The following KCNIP4 variants were observed in gnomAD, a reference collection of about 807,000 sequenced individuals.
KCNIP4 encodes potassium voltage-gated channel interacting protein 4.
KCNIP4 carries 12 observed loss-of-function variants against 34.0 expected under a neutral mutation model. The ratio of observed to expected loss-of-function variants is 0.35; its 90% CI spans 0.23 to 0.57. KCNIP4 has a LOEUF of 0.57. Ranked by LOEUF, KCNIP4 falls within the 20% of genes least tolerant of loss-of-function variation. The probability of loss-of-function intolerance (pLI) is 0.83; values close to 1 mark genes in which losing one functional copy is unlikely to be tolerated. For missense variants in KCNIP4, 238 were observed against 311.7 expected (o/e 0.76, Z 1.78); for synonymous variants, 124 against 102.2 (o/e 1.21, Z -1.29).
In KCNIP4 at chr4:21,756,531, C is replaced by T. The variant is rs541616964; in HGVS notation, c.61+192040G>A. ...ATTGCACCACTGCACTCCAGCCTGGCGACAGAGCAAGACTCTGTCTCAAAA... is the reference window on the plus strand; with the variant it reads ...ATTGCACCACTGCACTCCAGCCTGGTGACAGAGCAAGACTCTGTCTCAAAA... On this transcript the variant is annotated intron_variant, in intron 1 of 8. Transcript: ENST00000382152. Among the ~76,000 whole-genome samples the T allele has an allele frequency of 2.0e-4, 27 of 137,940 alleles. No individual in the cohort carries two copies. The South Asian group carries it at 2.2e-3, about 11-fold the overall frequency. The allele number at this position is 137,940 out of a possible 152,430, so 90.5% of individuals were successfully genotyped here.
At chr4:21,015,354 A>C (rs113510471) in intron 1 of KCNIP4, among the ~76,000 whole-genome samples, 1 of 138,952 alleles carries the variant, frequency 7.2e-6, no homozygotes, top group Non-Finnish European at 1.5e-5. Flanking sequence ...AAACAATGAT[A>C]CTCTATTTTT....
At chr4:21,385,223 G>T (rs189376273) in intron 1 of KCNIP4, among the ~76,000 whole-genome samples, 6 of 152,224 alleles carry the variant, frequency 3.9e-5, no homozygotes, top group African/African-American at 7.2e-5. Context: ...ATATTGTTCT[G>T]GTTAAAGGGT....
intron 1 of KCNIP4, among the ~76,000 whole-genome samples, chr4:21,946,798 A>G (rs912337364): frequency 6.6e-6 from 1 of 152,212 alleles, no homozygotes; most frequent in Non-Finnish European, 1.5e-5. Context: ...ATAAAACAAC[A>G]TATTTCTGTT....
chr4:20,833,288 C>A (rs1446247665), intron 3 of KCNIP4, among the ~76,000 whole-genome samples: 2 of 152,118 alleles, frequency 1.3e-5, no homozygotes, highest in Admixed American at 1.3e-4. Flanking sequence ...TTATTAAAAT[C>A]TTTGTCATCA....
intron 1 of KCNIP4, among the ~76,000 whole-genome samples, chr4:21,264,883 A>T (rs141206593): frequency 0.018 from 2,681 of 152,156 alleles, 67 homozygotes; most frequent in African/African-American, 0.061. Flanking sequence ...AGATCACTTT[A>T]GGTCAGGTGT....
chr4:20,961,954 CAA>C (rs1733891654), intron 1 of KCNIP4, among the ~76,000 whole-genome samples: 1 of 152,122 alleles, frequency 6.6e-6, no homozygotes, highest in Non-Finnish European at 1.5e-5. Flanking sequence ...CAGTGATAGC[CAA>C]AGACACCTTT....
chr4:21,216,482 T>A (rs1757585454), intron 1 of KCNIP4, among the ~76,000 whole-genome samples: 1 of 152,238 alleles, frequency 6.6e-6, no homozygotes, highest in Admixed American at 6.5e-5. Context: ...GTCTACATAA[T>A]AGGTACTATA....
At chr4:21,130,430 C>T (rs942908203) in intron 1 of KCNIP4, among the ~76,000 whole-genome samples, 2 of 152,268 alleles carry the variant, frequency 1.3e-5, no homozygotes, top group Middle Eastern at 3.4e-3. Flanking sequence ...ATTCAGAAGG[C>T]ACTAGTTCCA....
intron 1 of KCNIP4, among the ~76,000 whole-genome samples, chr4:21,311,842 A>G (rs890404235): frequency 2.0e-5 from 3 of 152,120 alleles, no homozygotes; most frequent in African/African-American, 7.2e-5. Context: ...TTCTACTCAA[A>G]TTCAAGTGGG....
chr4:21,501,885 TTCTCTCTC>T (rs144701777), intron 1 of KCNIP4, among the ~76,000 whole-genome samples: 1 of 151,134 alleles, frequency 6.6e-6, no homozygotes, highest in African/African-American at 2.4e-5. Flanking sequence ...TTAAAAATAA[TTCTCTCTC>T]TCTCTATCTC....
At chr4:21,868,965 C>T (rs997361332) in intron 1 of KCNIP4, among the ~76,000 whole-genome samples, 1 of 152,154 alleles carries the variant, frequency 6.6e-6, no homozygotes, top group Non-Finnish European at 1.5e-5. Flanking sequence ...CTGGGAAAAC[C>T]AGTAGAAGTT....
chr4:21,883,156 G>GT lies in KCNIP4; in HGVS notation c.61+65414dup, dbSNP rs1414582801. On this transcript the variant is annotated intron_variant, in intron 1 of 8. Coordinates refer to ENST00000382152, the MANE Select transcript of KCNIP4 (RefSeq NM_025221.6). Reference sequence around the variant, plus strand: ...CAAATTAAAAGTTTGTTTCTGAGTTGTTGTTTTTTTTTTTTTTTTATAAGA... The same window carrying GT: ...CAAATTAAAAGTTTGTTTCTGAGTTGTTTGTTTTTTTTTTTTTTTTATAAGA... 6.0e-3 allele frequency among the ~76,000 whole-genome samples: 741 copies of GT among 122,560 alleles called. 2 individuals are homozygous for GT. Among genetic ancestry groups the GT allele is most frequent in the African/African-American group, 0.022 (705 of 32,428 alleles). 80.4% of individuals were successfully genotyped at this position (122,560 alleles called of 152,430 possible). A position where few individuals can be genotyped will look rare whatever the true frequency, so the allele number is the denominator to read the frequency against.
intron 1 of KCNIP4, among the ~76,000 whole-genome samples, chr4:21,399,042 G>C (rs570578439): frequency 3.3e-5 from 5 of 152,268 alleles, no homozygotes; most frequent in African/African-American, 4.8e-5. Context: ...GTGGCAAAAG[G>C]GTTTTCTTTT....
chr4:21,782,745 T>C (rs1394958982), intron 1 of KCNIP4, among the ~76,000 whole-genome samples: 1 of 152,122 alleles, frequency 6.6e-6, no homozygotes, highest in South Asian at 2.1e-4. Flanking sequence ...TTATTTGTAA[T>C]AGCCAAAAGA....
intron 5 of KCNIP4, among the ~76,000 whole-genome samples, chr4:20,741,820 T>C (rs573435941): frequency 1.3e-5 from 2 of 152,140 alleles, no homozygotes; most frequent in African/African-American, 4.8e-5. Context: ...GATAGACTGC[T>C]AGCAAGGCTA....
chr4:21,252,756 C>CTTT (rs5856614), intron 1 of KCNIP4, among the ~76,000 whole-genome samples: 7 of 132,274 alleles, frequency 5.3e-5, no homozygotes, highest in African/African-American at 1.1e-4. Flanking sequence ...GGCAAATCCT[C>CTTT]TTTTTTTTTT....
intron 1 of KCNIP4, among the ~76,000 whole-genome samples, chr4:21,789,009 G>C (rs1009014220): frequency 4.7e-5 from 7 of 149,684 alleles, no homozygotes; most frequent in Non-Finnish European, 8.9e-5. Flanking sequence ...GGAGGCAGAG[G>C]CTGCAATGAG....
intron 1 of KCNIP4, among the ~76,000 whole-genome samples, chr4:21,597,372 A>C (rs1176822023): frequency 6.6e-6 from 1 of 152,078 alleles, no homozygotes; most frequent in African/African-American, 2.4e-5. Context: ...TAAGTCTATT[A>C]AATCTCTTTT....
chr4:20,783,811 C>T (rs1161093295), intron 3 of KCNIP4, among the ~76,000 whole-genome samples: 2 of 152,110 alleles, frequency 1.3e-5, no homozygotes, highest in East Asian at 3.9e-4. Flanking sequence ...TCAGATACCT[C>T]TTAATTTTTT....
Sources: allele counts gnomAD v4.1 joint callset (sites outside exome capture counted in the v4.1 genomes callset), GRCh38; gene constraint gnomAD v4.1.1; transcripts MANE v1.5; gene names NCBI Gene and HGNC (gene_info 2026-07-23, HGNC 2026-07-21).